Variants in IST1 observed in about 807,000 individuals in gnomAD.
IST1 encodes IST1 homolog.
Under a neutral mutation model 37.0 loss-of-function variants are expected in IST1, and 23 were observed. The ratio of observed to expected loss-of-function variants is 0.62; its 90% CI spans 0.45 to 0.88. IST1 has a LOEUF of 0.88. Ranked by LOEUF, IST1 falls within the 40% of genes least tolerant of loss-of-function variation. The pLI is 0.00. For missense variants in IST1, 488 were observed against 445.4 expected, an observed-to-expected ratio of 1.10 and a Z score of -0.86; for synonymous variants, 180 against 161.7, an observed-to-expected ratio of 1.11 and a Z score of -0.86.
chr16:71,915,935 A>G (rs778202114), intron 2 of IST1, among the ~76,000 whole-genome samples: 3 of 151,766 alleles, frequency 2.0e-5, no homozygotes, highest in Non-Finnish European at 2.9e-5. Flanking sequence ...GGTTCAAGTG[A>G]TTCTTGTGCC....
In IST1 at chr16:71,922,989, A is replaced by G. The variant is rs375706426; in HGVS notation, c.760-299A>G. ...ACAAATGAATAAACCACCAATTATT[A>G]CCAGGCAGAACAACCTTTGTAGATA... On this transcript the variant is annotated intron_variant, in intron 7 of 9. Coordinates refer to ENST00000378799, the MANE Select transcript of IST1 (RefSeq NM_001270975.2). 2.0e-4 allele frequency: 98 copies of G among 486,044 alleles called. 1 individual carries two copies. The South Asian group carries it at 2.4e-3, about 12-fold the overall frequency. 30.1% of individuals were successfully genotyped at this position (486,044 alleles called of 1,614,324 possible).
rs780461351 is a variant in IST1 at position 71,930,178 on chromosome 16, G to A, written c.*2365G>A. The stretch of plus-strand genomic sequence containing the variant: ...AGGTGCCCAGGACTGGGTCTAAAGC[G>A]AAAACCTGGGAAAACAATAAGAACA... On this transcript the variant is annotated 3_prime_UTR_variant, in exon 10 of 10. Coordinates refer to ENST00000378799, the MANE Select transcript of IST1 (RefSeq NM_001270975.2). 69 of 1,537,836 alleles carry A rather than the reference G, an allele frequency of 4.5e-5. No homozygotes were observed. The highest frequency in any genetic ancestry group is 3.4e-4 in the South Asian group (28 of 82,686).
chr16:71,899,129 C>T (rs2037045351), intron 1 of IST1, among the ~76,000 whole-genome samples: 1 of 152,150 alleles, frequency 6.6e-6, no homozygotes, highest in Non-Finnish European at 1.5e-5. Flanking sequence ...TCTCTGAATT[C>T]TGAAGCCTTA....
intron 1 of IST1, among the ~76,000 whole-genome samples, chr16:71,906,371 G>C (rs916082362): frequency 6.8e-6 from 1 of 148,098 alleles, no homozygotes; most frequent in African/African-American, 2.5e-5. Context: ...GCAGTGGTCC[G>C]ATCTCAGCTC....
intron 1 of IST1, among the ~76,000 whole-genome samples, chr16:71,902,828 A>G (rs1458349675): frequency 3.3e-5 from 5 of 152,060 alleles, no homozygotes; most frequent in Non-Finnish European, 7.4e-5. Context: ...GTCAGTTTTT[A>G]AAAAATCGTT....
intron 1 of IST1, among the ~76,000 whole-genome samples, chr16:71,910,055 C>T (rs2037316848): frequency 1.3e-5 from 2 of 152,060 alleles, no homozygotes; most frequent in African/African-American, 4.8e-5. Context: ...TATTAAAAGG[C>T]CTTGATGTAC....
chr16:71,921,429 C>T lies in IST1; in HGVS notation c.528C>T (p.Pro176=), dbSNP rs780750604. Residue 176 remains proline (P), a synonymous_variant, in exon 6 of 10, where the codon CCC becomes CCT. Transcript: ENST00000378799. ...AAATTGCAAAGAATTACAACGTACC[C>T]TATGAACCTGACTCTGTGGTCATGG... is the stretch of plus-strand genomic sequence containing the variant. ...LIEIAKNYNV[P]YEPDSVVMAE... is the part of the protein sequence containing the mutation. 1.2e-6 allele frequency: 2 copies of T among 1,610,306 alleles called. No homozygotes were observed. The highest frequency in any genetic ancestry group is 2.2e-5 in the East Asian group (1 of 44,876).
chr16:71,905,773 T>C (rs528463442), intron 1 of IST1, among the ~76,000 whole-genome samples: 1 of 152,336 alleles, frequency 6.6e-6, no homozygotes, highest in Non-Finnish European at 1.5e-5. Context: ...TCTTTACCCT[T>C]CTTCCCTTTA....
intron 1 of IST1, among the ~76,000 whole-genome samples, chr16:71,901,916 AT>A (rs1260051086): frequency 1.3e-5 from 2 of 152,368 alleles, no homozygotes; most frequent in Non-Finnish European, 1.5e-5. Flanking sequence ...ATTGAAACAG[AT>A]TAATCAGAAT....
intron 2 of IST1, 126 bp downstream of exon 2, chr16:71,915,854 A>G: frequency 1.7e-6 from 1 of 598,962 alleles, no homozygotes; most frequent in Non-Finnish European, 2.9e-6. Flanking sequence ...TTGTTGAGAC[A>G]GGGTCTCACT....
At position 71,930,716 on chromosome 16, in the gene IST1, T is replaced by A. The variant is rs1051126543; in HGVS notation, c.*2903T>A. 2.6e-5 allele frequency: 4 copies of A among 152,236 alleles called. No homozygotes were observed. Among genetic ancestry groups the A allele is most frequent in the African/African-American group, 9.6e-5 (4 of 41,462 alleles). The allele number at this position is 152,236 out of a possible 1,614,324, so 9.4% of individuals were successfully genotyped here. On this transcript the variant is annotated 3_prime_UTR_variant, in exon 10 of 10. Transcript: ENST00000378799. ...ATTGAGTTCTGCCATTCTTTACTTT[T>A]CTGCATACATAAATATCAAGTTCTG...
intron 9 of IST1, among the ~76,000 whole-genome samples, chr16:71,926,895 C>G (rs2037757368): frequency 6.6e-6 from 1 of 152,046 alleles, no homozygotes. Context: ...ACAGATCAGA[C>G]TATTATAACA....
chr16:71,923,959 G>A, intron 8 of IST1: 2 of 350,696 alleles, frequency 5.7e-6, no homozygotes, highest in Non-Finnish European at 1.1e-5. Flanking sequence ...TAGGCCTTTT[G>A]AGACCTGTCT....
At chr16:71,915,833 T>C (rs888117675) in intron 2 of IST1, 105 bp downstream of exon 2, 3 of 652,282 alleles carry the variant, frequency 4.6e-6, no homozygotes, top group Non-Finnish European at 7.8e-6. Context: ...TCATATTTTT[T>C]TTTGTTGTTT....
chr16:71,898,122 C>T (rs1023875390), intron 1 of IST1, among the ~76,000 whole-genome samples: 1 of 152,108 alleles, frequency 6.6e-6, no homozygotes, highest in African/African-American at 2.4e-5. Context: ...CGCCTGTAAT[C>T]CCAGCACTTT....
intron 1 of IST1, among the ~76,000 whole-genome samples, chr16:71,912,495 C>A (rs779697234): frequency 6.6e-6 from 1 of 152,134 alleles, no homozygotes; most frequent in East Asian, 1.9e-4. Context: ...CCTCGGCCTC[C>A]CAAAGTACTG....
intron 6 of IST1, 66 bp from the exon 7 acceptor site, chr16:71,922,408 C>T: frequency 1.5e-6 from 2 of 1,363,096 alleles, no homozygotes; most frequent in South Asian, 1.2e-5. Flanking sequence ...CCATCTCAGA[C>T]TCCGCTTTCT....
At chr16:71,901,512 G>A (rs1039018312) in intron 1 of IST1, among the ~76,000 whole-genome samples, 1 of 151,978 alleles carries the variant, frequency 6.6e-6, no homozygotes, top group Admixed American at 6.6e-5. Flanking sequence ...CGCGCCCTGC[G>A]TAGTCTTTTG....
chr16:71,911,210 C>A (rs2037346298), intron 1 of IST1, among the ~76,000 whole-genome samples: 1 of 152,134 alleles, frequency 6.6e-6, no homozygotes, highest in African/African-American at 2.4e-5. Flanking sequence ...CACTGCACTC[C>A]AGCCTGGGTG....
Sources: gnomAD v4.1 joint callset for allele counts (sites outside exome capture counted in the v4.1 genomes callset) on GRCh38, gnomAD v4.1.1 for gene constraint, MANE v1.5 for transcripts, NCBI Gene and HGNC (gene_info 2026-07-23, HGNC 2026-07-21) for gene names.